CFAP65: variants seen among roughly 807,000 people sequenced by gnomAD.
CFAP65 encodes the protein cilia and flagella associated protein 65, also known as cilia- and flagella-associated protein 65.
A neutral mutation model predicts 208.0 loss-of-function variants in CFAP65; 155 were observed. The observed-to-expected ratio is 0.75, with a 90% confidence interval of 0.65 to 0.85. The LOEUF (loss-of-function observed/expected upper bound fraction) is 0.85. Among genes scored for constraint, CFAP65 ranks in the 40% least tolerant of loss-of-function variants. CFAP65 has a pLI of 0.00. For missense variants in CFAP65, 2,294 were observed against 2,451.3 expected, an observed-to-expected ratio of 0.94 and a Z score of 1.36; for synonymous variants, 970 against 986.3, an observed-to-expected ratio of 0.98 and a Z score of 0.31.
At position 219,028,182 on chromosome 2, in the gene CFAP65, G is replaced by T. The variant is rs1330707649; in HGVS notation, c.1851+19C>A. 1.2e-6 allele frequency: 2 copies of T among 1,612,220 alleles called. No homozygotes were observed. Among genetic ancestry groups the T allele is most frequent in the Admixed American group, 1.7e-5 (1 of 59,912 alleles). On this transcript the variant is annotated intron_variant, in intron 12 of 34. Coordinates refer to ENST00000341552, the MANE Select transcript of CFAP65 (RefSeq NM_194302.4). ...AGAATCACTAGAGAAGGGATATGCA[G>T]CTGGGGAGGGCACTGTACCTGGATG...
chr2:219,021,241 CG>C lies in CFAP65; in HGVS notation c.3169del (p.Arg1057GlyfsTer8), dbSNP rs771445543. The C allele has an allele frequency of 2.5e-6, 4 of 1,607,074 alleles. No individual in the cohort carries two copies. Among genetic ancestry groups the C allele is most frequent in the Non-Finnish European group, 1.7e-6 (2 of 1,176,332 alleles). On this transcript the variant is annotated frameshift_variant, in exon 19 of 35. Coordinates refer to ENST00000341552, the MANE Select transcript of CFAP65 (RefSeq NM_194302.4). LOFTEE classifies it high-confidence loss of function. ...AGTCAGGCAGATGGTGTCCTGGGAC[CG>C]GGGTGGCATGCTCCCCTCTGTTCGG... is the stretch of plus-strand genomic sequence containing the variant. The part of the protein sequence containing the change: ...LDRTEGSMPP[R>X]SQDTICLTAC...
intron 21 of CFAP65, among the ~76,000 whole-genome samples, chr2:219,016,719 A>T (rs986045383): frequency 2.0e-5 from 3 of 152,118 alleles, no homozygotes; most frequent in Non-Finnish European, 4.4e-5. Flanking sequence ...CCTTGCCTCA[A>T]GCTGCTAACC....
rs1559148553 is a variant in CFAP65, at chr2:219,027,762, G to T, written c.2099C>A (p.Pro700Gln). ...RRSDCPFWVT[P>Q]ESCDVPPLKS... ...GAGTGGGGGCACGTCGCAGCTCTCT[G>T]GAGTCACCCAGAAGGGGCAGTCAGA... Residue 700 changes from proline (P) to glutamine (Q), a missense_variant, in exon 13 of 35, where the codon CCA becomes CAA. Pro to Gln is a moderately conservative substitution (Grantham distance 76). Around this residue, in one of 2 missense-constraint regions of CFAP65, gnomAD observed 867 missense variants for 1,012.6 expected, o/e 0.86. Transcript: ENST00000341552. 6.2e-7 allele frequency: 1 copy of T among 1,614,126 alleles called. No individual in the cohort carries two copies. The highest frequency in any genetic ancestry group is 8.5e-7 in the Non-Finnish European group (1 of 1,180,024).
In CFAP65 at chr2:219,009,147, G is replaced by A. The variant is rs549395559; in HGVS notation, c.4574C>T (p.Ser1525Leu). ...GTGATACTGCCTCATGAGCTGCTGCGAGTACAGCTATGGCCCAGGACAGAG... is the reference window on the plus strand; with the variant it reads ...GTGATACTGCCTCATGAGCTGCTGCAAGTACAGCTATGGCCCAGGACAGAG... ...YSADLVCKLY[S>L]QQLMRQYHKE... Residue 1525 changes from serine to leucine, a missense_variant, in exon 29 of 35, where the codon TCG (serine) becomes TTG (leucine). Ser to Leu is a moderately radical substitution (Grantham distance 145). Coordinates refer to ENST00000341552, the MANE Select transcript of CFAP65 (RefSeq NM_194302.4). 1.9e-5 allele frequency: 30 copies of A among 1,612,446 alleles called. No homozygotes were observed. Among genetic ancestry groups the A allele is most frequent in the Middle Eastern group, 1.7e-4 (1 of 6,060 alleles).
intron 5 of CFAP65, chr2:219,034,464 G>A (rs1402279595): frequency 1.3e-5 from 2 of 152,086 alleles, no homozygotes; most frequent in Admixed American, 1.3e-4. Context: ...ATGACCTAGG[G>A]GTAGAGAAGG....
At chr2:219,030,409 G>A (rs1465701817) in intron 9 of CFAP65, among the ~76,000 whole-genome samples, 1 of 152,232 alleles carries the variant, frequency 6.6e-6, no homozygotes. Context: ...CCTGCCCAAA[G>A]GGGGCACCTT....
chr2:219,041,367 T>C (rs1414595226), intron 1 of CFAP65, 121 bp downstream of exon 1: 8 of 996,398 alleles, frequency 8.0e-6, no homozygotes, highest in African/African-American at 1.6e-5. Context: ...CTGAAGGGCA[T>C]GGAGGGGACC....
chr2:219,028,100 C>T lies in CFAP65; in HGVS notation c.1852-91G>A, dbSNP rs191125767. On this transcript the variant is annotated intron_variant, in intron 12 of 34. Coordinates refer to ENST00000341552, the MANE Select transcript of CFAP65 (RefSeq NM_194302.4). Reference sequence around the variant, plus strand: ...TACACTCCTGTCTAGAAAGGCTACACCAGTCGCCCTGACTACTAATGGTGC... The same window carrying T: ...TACACTCCTGTCTAGAAAGGCTACATCAGTCGCCCTGACTACTAATGGTGC... 288 of 1,554,274 alleles carry T rather than the reference C, an allele frequency of 1.9e-4. No individual in the cohort carries two copies. The African/African-American group carries it at 3.4e-3, about 19-fold the overall frequency.
chr2:219,006,877 C>A (rs1946045110), intron 29 of CFAP65, among the ~76,000 whole-genome samples: 1 of 151,858 alleles, frequency 6.6e-6, no homozygotes, highest in Admixed American at 6.6e-5. Context: ...AAAGAGACTC[C>A]CCCATTTTGA....
At position 219,022,158 on chromosome 2, in the gene CFAP65, C is replaced by A; in HGVS notation, c.2979+13G>T. On this transcript the variant is annotated intron_variant, in intron 17 of 34. Transcript: ENST00000341552. Reference sequence around the variant, plus strand: ...CTCCCCCAGCCCCCTCCTGCCAGAGCCCTCCCACTCACAGAGAGGCTGCTG... The same window carrying A: ...CTCCCCCAGCCCCCTCCTGCCAGAGACCTCCCACTCACAGAGAGGCTGCTG... The A allele has an allele frequency of 6.4e-7, 1 of 1,569,028 alleles. No individual in the cohort carries two copies. Among genetic ancestry groups the A allele is most frequent in the South Asian group, 1.2e-5 (1 of 84,548 alleles).
At chr2:219,014,334 G>A in intron 21 of CFAP65, 1 of 263,404 alleles carries the variant, frequency 3.8e-6, no homozygotes, top group Non-Finnish European at 7.2e-6. Context: ...GAATATGGGG[G>A]CCACTTTGAG....
At chr2:219,025,914 C>G in intron 14 of CFAP65, 108 bp downstream of exon 14, 8 of 1,399,542 alleles carry the variant, frequency 5.7e-6, no homozygotes, top group Non-Finnish European at 7.9e-6. Flanking sequence ...AGGGAGGGTG[C>G]AAAGATGTGT....
intron 17 of CFAP65, 117 bp downstream of exon 17, chr2:219,022,054 C>T (rs1029131348): frequency 6.7e-7 from 1 of 1,500,718 alleles, no homozygotes; most frequent in African/African-American, 1.4e-5. Context: ...GGGCAGAGGG[C>T]TCCTATCCTC....
At position 219,030,978 on chromosome 2, in the gene CFAP65, T is replaced by A. The variant is rs895728695; in HGVS notation, c.1015+128A>T. ...AGACAAAAGGCAAAGCCTTCTGGGCTTGGGGGAGGGCAGGAGGCCGGTGGA... is the reference window on the plus strand; with the variant it reads ...AGACAAAAGGCAAAGCCTTCTGGGCATGGGGGAGGGCAGGAGGCCGGTGGA... On this transcript the variant is annotated intron_variant, in intron 8 of 34. Coordinates refer to ENST00000341552, the MANE Select transcript of CFAP65 (RefSeq NM_194302.4). 8.4e-6 allele frequency: 12 copies of A among 1,431,846 alleles called. No homozygotes were observed. The African/African-American group carries it at 1.7e-4, about 20-fold the overall frequency. 88.7% of individuals were successfully genotyped at this position (1,431,846 alleles called of 1,614,324 possible). A position where few individuals can be genotyped will look rare whatever the true frequency, so the allele number is the denominator to read the frequency against.
chr2:219,005,460 C>G lies in CFAP65; in HGVS notation c.5025G>C (p.Leu1675=), dbSNP rs530530728. Residue 1675 remains leucine (L), a synonymous_variant, in exon 32 of 35, where the codon CTG becomes CTC. Transcript: ENST00000341552. Reference sequence around the variant, plus strand: ...TGATTATTGTGGTGAGAATGTCAACCAGGAGCTGCTTCTTCTGCTTGGAAA... The same window carrying G: ...TGATTATTGTGGTGAGAATGTCAACGAGGAGCTGCTTCTTCTGCTTGGAAA... ...GPVSKQKKQL[L]VDILTTIIRG... is the part of the protein sequence containing the mutation. 1 of 1,613,778 alleles carries G rather than the reference C, an allele frequency of 6.2e-7. No homozygotes were observed. Among genetic ancestry groups the G allele is most frequent in the Non-Finnish European group, 8.5e-7 (1 of 1,179,974 alleles).
Position 219,004,077 on chromosome 2 carries a change from G to A in CFAP65, c.5430C>T (p.Ser1810=), listed in dbSNP as rs1249186125. Residue 1810 remains serine, a synonymous_variant, in exon 33 of 35, where the codon AGC becomes AGT. Transcript: ENST00000341552. The surrounding 1 kb of genome is among the most constrained non-coding windows in gnomAD (Gnocchi z 4.7). ...GTGGTGTGGGCCCGATGCCCGCCCA[G>A]CTCACTTTCTCTTCCTTCTCATCCC... ...EERDEKEEKV[S]WAGIGPTPQP... 1 of 1,613,998 alleles carries A rather than the reference G, an allele frequency of 6.2e-7. No individual in the cohort carries two copies. Among genetic ancestry groups the A allele is most frequent in the Non-Finnish European group, 8.5e-7 (1 of 1,180,016 alleles).
Position 219,013,506 on chromosome 2 carries a change from G to A in CFAP65, c.3846+13C>T. The A allele has an allele frequency of 5.7e-6, 9 of 1,592,806 alleles. No individual in the cohort carries two copies. Among genetic ancestry groups the A allele is most frequent in the Non-Finnish European group, 7.7e-6 (9 of 1,171,090 alleles). Reference sequence around the variant, plus strand: ...CCTGAAACTAGGGCAGGGCCAGTGTGCTGGGGCCTCACCAGGATCTCCCGG... The same window carrying A: ...CCTGAAACTAGGGCAGGGCCAGTGTACTGGGGCCTCACCAGGATCTCCCGG... On this transcript the variant is annotated intron_variant, in intron 23 of 34. Transcript: ENST00000341552.
chr2:219,021,049 T>C, intron 19 of CFAP65, 103 bp downstream of exon 19: 1 of 1,349,630 alleles, frequency 7.4e-7, no homozygotes, highest in Non-Finnish European at 9.9e-7. Flanking sequence ...CCACTCACCC[T>C]GCCAGCTCTG....
intron 24 of CFAP65, among the ~76,000 whole-genome samples, chr2:219,012,239 C>T (rs1272563881): frequency 1.3e-5 from 2 of 152,178 alleles, no homozygotes; most frequent in Admixed American, 1.3e-4. Context: ...ACTTGGTGTC[C>T]ACCTTCTACC....
Sources: gnomAD v4.1 joint callset for allele counts (sites outside exome capture counted in the v4.1 genomes callset) on GRCh38, gnomAD v4.1.1 for gene constraint, gnomAD v4.1.1 regional missense constraint, Gnocchi (gnomAD v3.1) non-coding constraint, MANE v1.5 for transcripts, NCBI Gene and HGNC (gene_info 2026-07-23, HGNC 2026-07-21) for gene names.